Variants in EXOC2 observed in about 807,000 individuals in gnomAD.
EXOC2 encodes exocyst complex component 2.
In EXOC2, 70 loss-of-function variants were observed where a neutral mutation model predicts 131.8. The ratio of observed to expected loss-of-function variants is 0.53; its 90% confidence interval spans 0.44 to 0.65. The LOEUF (loss-of-function observed/expected upper bound fraction) is 0.65, where lower values mean the gene tolerates loss of function less well. Among genes scored for constraint, EXOC2 ranks in the 30% least tolerant of loss-of-function variants. The pLI is 0.00. For missense variants in EXOC2, 923 were observed against 1,108.6 expected, an observed-to-expected ratio of 0.83 and a Z score of 2.38; for synonymous variants, 411 against 398.4, an observed-to-expected ratio of 1.03 and a Z score of -0.38.
chr6:663,261 C>T (rs570096957), intron 1 of EXOC2, among the ~76,000 whole-genome samples: 2 of 152,110 alleles, frequency 1.3e-5, no homozygotes, highest in African/African-American at 4.8e-5. Flanking sequence ...ATAGACACCC[C>T]GAACAGACCA....
intron 11 of EXOC2, among the ~76,000 whole-genome samples, chr6:583,098 A>G (rs181378953): frequency 6.6e-6 from 1 of 152,354 alleles, no homozygotes; most frequent in Admixed American, 6.5e-5. Context: ...TGTTTTTGTC[A>G]AAGTCCTATG....
At chr6:562,937 TG>T in intron 16 of EXOC2, 92 bp from the exon 17 acceptor site, 1 of 896,478 alleles carries the variant, frequency 1.1e-6, no homozygotes, top group Non-Finnish European at 1.6e-6. Flanking sequence ...GGTTTTTCAT[TG>T]TTTTATATAG....
At position 549,013 on chromosome 6, in the gene EXOC2, A is replaced by C. The variant is rs116470559; in HGVS notation, c.2238+162T>G. ...CAAGGTGAACCATGGGAAGGAAGGGAATCATCCAAAGCTTTAGCAGGGTGA... is the reference window on the plus strand; with the variant it reads ...CAAGGTGAACCATGGGAAGGAAGGGCATCATCCAAAGCTTTAGCAGGGTGA... On this transcript the variant is annotated intron_variant, in intron 22 of 27. Coordinates refer to ENST00000230449, the MANE Select transcript of EXOC2 (RefSeq NM_018303.6). Among the ~76,000 whole-genome samples the C allele has an allele frequency of 4.0e-3, 612 of 152,310 alleles. 5 individuals are homozygous for C. The highest frequency in any genetic ancestry group is 0.013 in the African/African-American group (561 of 41,558).
At chr6:511,091 G>A (rs954355487) in intron 23 of EXOC2, among the ~76,000 whole-genome samples, 5 of 152,210 alleles carry the variant, frequency 3.3e-5, no homozygotes, top group African/African-American at 1.2e-4. Flanking sequence ...AGCAGCTGGG[G>A]TCCTGACCCC....
chr6:588,128 C>G (rs565138251), intron 11 of EXOC2, among the ~76,000 whole-genome samples: 3 of 152,070 alleles, frequency 2.0e-5, no homozygotes, highest in Admixed American at 6.5e-5. Flanking sequence ...TAGTGAAAAT[C>G]GCTTCTGACC....
At chr6:583,684 A>T (rs1178973540) in intron 11 of EXOC2, among the ~76,000 whole-genome samples, 1 of 152,258 alleles carries the variant, frequency 6.6e-6, no homozygotes, top group East Asian at 1.9e-4. Context: ...CTGCATACAT[A>T]GCGCAGCTTA....
rs1277285959 is a variant in EXOC2, at chr6:572,647, A to G, written c.1319-3T>C. On this transcript the variant is annotated splice_polypyrimidine_tract_variant and splice_region_variant and intron_variant, in intron 12 of 27. Coordinates refer to ENST00000230449, the MANE Select transcript of EXOC2 (RefSeq NM_018303.6). ...GTGGGGAGTTTTGTATCTCCACGCT[A>G]AGGGGGAAAAGAATAAAATACTATG... 4 of 1,610,592 alleles carry G rather than the reference A, an allele frequency of 2.5e-6. No homozygotes were observed. The highest frequency in any genetic ancestry group is 3.4e-6 in the Non-Finnish European group (4 of 1,179,126).
rs1376308187 is a variant in EXOC2, at chr6:666,475, C to G, written c.-44+26544G>C. ...AGAAAATTTAGGTCTATTAAATTAA[C>G]ATTATTATTTAGAATTGGGAAACTT... On this transcript the variant is annotated intron_variant, in intron 1 of 27. Transcript: ENST00000230449. Among the ~76,000 whole-genome samples the G allele has an allele frequency of 8.2e-5, 7 of 85,326 alleles. 2 individuals carry two copies. Among genetic ancestry groups the G allele is most frequent in the African/African-American group, 2.6e-4 (7 of 27,000 alleles). 56.0% of individuals were successfully genotyped at this position (85,326 alleles called of 152,430 possible). A position where few individuals can be genotyped will look rare whatever the true frequency, so the allele number is the denominator to read the frequency against.
intron 1 of EXOC2, among the ~76,000 whole-genome samples, chr6:646,352 G>T (rs1288293481): frequency 3.3e-5 from 5 of 152,230 alleles, no homozygotes; most frequent in African/African-American, 9.6e-5. Flanking sequence ...CAGAAATTGG[G>T]GAAAAAGGAA....
intron 13 of EXOC2, among the ~76,000 whole-genome samples, chr6:569,955 C>A (rs894999807): frequency 1.3e-5 from 2 of 152,086 alleles, no homozygotes; most frequent in African/African-American, 4.8e-5. Flanking sequence ...TCCCTTTTCA[C>A]TAAAATATCC....
At chr6:620,158 G>T (rs1199041837) in intron 4 of EXOC2, among the ~76,000 whole-genome samples, 6 of 152,160 alleles carry the variant, frequency 3.9e-5, no homozygotes, top group African/African-American at 1.4e-4. Context: ...CTGACTTCTG[G>T]ATCAATTCAT....
At chr6:656,174 A>G in intron 1 of EXOC2, 1 of 1,614,168 alleles carries the variant, frequency 6.2e-7, no homozygotes, top group Non-Finnish European at 8.5e-7. Context: ...GAAGAAGAGT[A>G]TTGTCCCAAA....
chr6:685,686 C>G (rs151025613), intron 1 of EXOC2, among the ~76,000 whole-genome samples: 1 of 152,062 alleles, frequency 6.6e-6, no homozygotes, highest in Non-Finnish European at 1.5e-5. Context: ...TCCTCCTGCT[C>G]CATCCCCAAA....
rs1764657284 is a variant in EXOC2, at chr6:686,422, CTT to C, written c.-44+6595_-44+6596del. ...TAAACCATATAACTGATAAATGACA[CTT>C]GATTTTTATTTATTTATTTTAGGAA... On this transcript the variant is annotated intron_variant, in intron 1 of 27. Transcript: ENST00000230449. Among the ~76,000 whole-genome samples the C allele has an allele frequency of 1.3e-5, 2 of 152,090 alleles. 1 individual carries two copies. The highest frequency in any genetic ancestry group is 4.1e-4 in the South Asian group (2 of 4,832).
intron 23 of EXOC2, among the ~76,000 whole-genome samples, chr6:512,575 AG>A (rs1167108470): frequency 6.6e-6 from 1 of 152,220 alleles, no homozygotes; most frequent in African/African-American, 2.4e-5. Flanking sequence ...GGGTAAACAA[AG>A]ATTTCAGACT....
chr6:558,440 G>A (rs1306391280), intron 17 of EXOC2, among the ~76,000 whole-genome samples: 2 of 152,212 alleles, frequency 1.3e-5, no homozygotes, highest in African/African-American at 2.4e-5. Flanking sequence ...CAGAAGGTAT[G>A]AAAATTTAAG....
intron 1 of EXOC2, among the ~76,000 whole-genome samples, chr6:648,719 T>A (rs925291123): frequency 8.0e-5 from 2 of 24,926 alleles, no homozygotes; most frequent in African/African-American, 3.7e-4. Context: ...AAAAACTCTT[T>A]TTTTTTTTTT....
At chr6:542,311 A>T (rs922034038) in intron 22 of EXOC2, among the ~76,000 whole-genome samples, 1 of 152,248 alleles carries the variant, frequency 6.6e-6, no homozygotes, top group African/African-American at 2.4e-5. Flanking sequence ...AAGAATGTAC[A>T]TCTAGAAAAG....
At chr6:491,999 A>C (rs148836692) in intron 25 of EXOC2, among the ~76,000 whole-genome samples, 135 of 152,332 alleles carry the variant, frequency 8.9e-4, no homozygotes, top group African/African-American at 3.1e-3. Context: ...TTAACACAAA[A>C]ATTAACACGG....
Sources: gnomAD v4.1 joint callset for allele counts (sites outside exome capture counted in the v4.1 genomes callset) on GRCh38, gnomAD v4.1.1 for gene constraint, MANE v1.5 for transcripts, NCBI Gene and HGNC (gene_info 2026-07-23, HGNC 2026-07-21) for gene names.